LDAH: variants seen among roughly 807,000 people sequenced by gnomAD.
LDAH encodes lipid droplet associated hydrolase, also known as lipid droplet-associated hydrolase.
Under a neutral mutation model 29.6 loss-of-function variants are expected in LDAH, and 26 were observed. The ratio of observed to expected loss-of-function variants is 0.88; its 90% CI spans 0.64 to 1.22. The LOEUF is 1.22. Ranked by LOEUF, LDAH falls within the 50% of genes most tolerant of loss-of-function variation. The pLI is 0.00. For missense variants in LDAH, 344 were observed against 387.3 expected (o/e 0.89, Z 0.94); for synonymous variants, 117 against 133.0 (o/e 0.88, Z 0.83).
chr2:20,715,468 C>A (rs1355992298), intron 5 of LDAH, among the ~76,000 whole-genome samples: 1 of 152,172 alleles, frequency 6.6e-6, no homozygotes, highest in Non-Finnish European at 1.5e-5. Flanking sequence ...TGCAAACCGG[C>A]ACAAGACAGG....
Position 20,684,967 on chromosome 2 carries a change from A to T in LDAH, c.*1936T>A. 6.5e-7 allele frequency: 1 copy of T among 1,547,924 alleles called. No individual in the cohort carries two copies. ...GAAAGGTGGCTTTTCACTTTAAAAG[A>T]GAGACTTTGAGCCGAGTCTAACTCA... On this transcript the variant is annotated 3_prime_UTR_variant, in exon 7 of 7. Coordinates refer to ENST00000237822, the MANE Select transcript of LDAH (RefSeq NM_021925.4).
chr2:20,812,343 T>C lies in LDAH; in HGVS notation c.-3+10694A>G, dbSNP rs572693877. Among the ~76,000 whole-genome samples, 5 of 152,348 alleles carry C rather than the reference T, an allele frequency of 3.3e-5. No individual in the cohort carries two copies. In the South Asian group the frequency reaches 1.0e-3, roughly 32 times the overall value. ...TCTGCCCTGGATTCCCTTCTCTATATGCTCTCCCCTGGAGATTACATCCAC... is the reference window on the plus strand; with the variant it reads ...TCTGCCCTGGATTCCCTTCTCTATACGCTCTCCCCTGGAGATTACATCCAC... On this transcript the variant is annotated intron_variant, in intron 1 of 6. Transcript: ENST00000237822.
chr2:20,763,180 G>C (rs1032781759), intron 4 of LDAH, among the ~76,000 whole-genome samples: 5 of 152,178 alleles, frequency 3.3e-5, no homozygotes, highest in African/African-American at 1.2e-4. Context: ...TGTGTTTATG[G>C]ACAACGTCAT....
chr2:20,734,759 CTTCTT>C (rs1240138355), intron 5 of LDAH, among the ~76,000 whole-genome samples: 2 of 152,072 alleles, frequency 1.3e-5, no homozygotes, highest in African/African-American at 4.8e-5. Context: ...TCCCAGATTC[CTTCTT>C]TTATCATTTC....
chr2:20,740,388 T>C (rs1225471216), intron 4 of LDAH, among the ~76,000 whole-genome samples, 183 bp from the exon 5 acceptor site: 1 of 152,208 alleles, frequency 6.6e-6, no homozygotes, highest in Non-Finnish European at 1.5e-5. Flanking sequence ...CACAGCTCAC[T>C]GCAGCCTCAT....
rs763214965 is a variant in LDAH at position 20,790,316 on chromosome 2, A to G, written c.237T>C (p.Thr79=). Residue 79 remains threonine, a synonymous_variant, in exon 3 of 7, where the codon ACT becomes ACC. Transcript: ENST00000237822. Reference sequence around the variant, plus strand: ...CCAACGCATGCCCAGCATGACTGATAGTCCAAACTGGAAAGCGTCTGTTTG... The same window carrying G: ...CCAACGCATGCCCAGCATGACTGATGGTCCAAACTGGAAAGCGTCTGTTTG... The part of the protein sequence containing the change: ...SLTNRRFPVW[T]ISHAGHALAP... 1.2e-6 allele frequency: 2 copies of G among 1,614,118 alleles called. No individual in the cohort carries two copies. The highest frequency in any genetic ancestry group is 3.3e-5 in the Admixed American group (2 of 60,028).
rs1572585228 is a variant in LDAH, at chr2:20,767,802, G to C, written c.468+7008C>G. Among the ~76,000 whole-genome samples the C allele has an allele frequency of 2.0e-5, 3 of 152,252 alleles. No homozygotes were observed. In the East Asian group the frequency reaches 5.8e-4, roughly 30 times the overall value. On this transcript the variant is annotated intron_variant, in intron 4 of 6. Coordinates refer to ENST00000237822, the MANE Select transcript of LDAH (RefSeq NM_021925.4). ...CTCTCTGAGGCCCATAAAAGCCCTG[G>C]GCTCAGCCAGAGCAGAGCAGAGGAC...
intron 1 of LDAH, among the ~76,000 whole-genome samples, chr2:20,822,290 A>AATTT (rs1437765773): frequency 6.6e-6 from 1 of 151,980 alleles, no homozygotes; most frequent in Non-Finnish European, 1.5e-5. Context: ...ACGCCCGGCT[A>AATTT]ATTTATTTAT....
At chr2:20,733,383 C>T (rs113901484) in intron 5 of LDAH, among the ~76,000 whole-genome samples, 4,158 of 148,752 alleles carry the variant, frequency 0.028, 193 homozygotes, top group African/African-American at 0.098. Context: ...CAGGCTATAC[C>T]TCCATGCCTG....
intron 5 of LDAH, among the ~76,000 whole-genome samples, chr2:20,718,191 A>G (rs991167161): frequency 3.3e-5 from 5 of 152,156 alleles, no homozygotes; most frequent in Admixed American, 1.3e-4. Flanking sequence ...ATGTAAATCA[A>G]CTAAATTCTC....
At chr2:20,774,012 T>C (rs1669617349) in intron 4 of LDAH, among the ~76,000 whole-genome samples, 2 of 152,146 alleles carry the variant, frequency 1.3e-5, no homozygotes, top group Admixed American at 1.3e-4. Context: ...TCAAAGACTG[T>C]CTTACTCTCT....
intron 6 of LDAH, 98 bp from the exon 7 acceptor site, chr2:20,687,192 C>G: frequency 1.1e-6 from 1 of 932,444 alleles, no homozygotes; most frequent in Non-Finnish European, 1.6e-6. Context: ...ACAGCACCTA[C>G]GCCTGACCCT....
At chr2:20,690,879 T>A (rs1232686848) in intron 6 of LDAH, among the ~76,000 whole-genome samples, 1 of 149,900 alleles carries the variant, frequency 6.7e-6, no homozygotes, top group Non-Finnish European at 1.5e-5. Flanking sequence ...CTATGTATTA[T>A]CTCGTTGTAT....
At chr2:20,704,693 C>A (rs1386278800) in intron 5 of LDAH, among the ~76,000 whole-genome samples, 1 of 152,100 alleles carries the variant, frequency 6.6e-6, no homozygotes, top group Non-Finnish European at 1.5e-5. Flanking sequence ...CCTGTCCTTT[C>A]TTCTCCTCTC....
At position 20,686,699 on chromosome 2, in the gene LDAH, ATGTATG is replaced by A; in HGVS notation, c.*198_*203del. The A allele has an allele frequency of 1.5e-5, 7 of 463,846 alleles. No individual in the cohort carries two copies. Among genetic ancestry groups the A allele is most frequent in the African/African-American group, 4.0e-5 (2 of 50,416 alleles). 28.7% of individuals were successfully genotyped at this position (463,846 alleles called of 1,614,324 possible). A position where few individuals can be genotyped will look rare whatever the true frequency, so the allele number is the denominator to read the frequency against. On this transcript the variant is annotated 3_prime_UTR_variant, in exon 7 of 7. Coordinates refer to ENST00000237822, the MANE Select transcript of LDAH (RefSeq NM_021925.4). ...CACTGTGTTCCCTGAGTCTTGGAAA[ATGTATG>A]GTTAAACCTATGGAATGATTCATCA...
At chr2:20,808,215 T>A (rs113174576) in intron 1 of LDAH, among the ~76,000 whole-genome samples, 94 of 152,342 alleles carry the variant, frequency 6.2e-4, no homozygotes, top group African/African-American at 2.1e-3. Context: ...CAAACTGTAT[T>A]CGTGAACTGG....
intron 6 of LDAH, 24 bp from the exon 7 acceptor site, chr2:20,687,118 T>C: frequency 6.3e-7 from 1 of 1,588,626 alleles, no homozygotes; most frequent in Non-Finnish European, 8.6e-7. Context: ...CAAAAACCTT[T>C]TATTAGAAAA....
chr2:20,777,712 T>C (rs1050880584), intron 3 of LDAH, among the ~76,000 whole-genome samples: 1 of 152,160 alleles, frequency 6.6e-6, no homozygotes, highest in African/African-American at 2.4e-5. Context: ...TCCCAGCCTA[T>C]CTTTTTTCAT....
intron 5 of LDAH, among the ~76,000 whole-genome samples, chr2:20,729,871 C>T (rs1666277376): frequency 6.6e-6 from 1 of 152,178 alleles, no homozygotes; most frequent in South Asian, 2.1e-4. Flanking sequence ...TCACAGCTCG[C>T]TGTAACCTTG....
Sources: gnomAD v4.1 joint callset for allele counts (sites outside exome capture counted in the v4.1 genomes callset) on GRCh38, gnomAD v4.1.1 for gene constraint, MANE v1.5 for transcripts, NCBI Gene and HGNC (gene_info 2026-07-23, HGNC 2026-07-21) for gene names.